The following HUNK variants were observed in gnomAD, a reference collection of about 807,000 sequenced individuals.
HUNK encodes hormonally up-regulated neu tumor-associated kinase.
Under a neutral mutation model 61.0 loss-of-function variants are expected in HUNK, and 21 were observed. The ratio of observed to expected loss-of-function variants is 0.34; its 90% CI spans 0.24 to 0.50. The LOEUF (loss-of-function observed/expected upper bound fraction) is 0.50, where lower values mean the gene tolerates loss of function less well. Ranked by LOEUF, HUNK falls within the 20% of genes least tolerant of loss-of-function variation. The probability of loss-of-function intolerance (pLI) is 0.98; values close to 1 mark genes in which losing one functional copy is unlikely to be tolerated. For missense variants in HUNK, 772 were observed against 945.7 expected (o/e 0.82, Z 2.41); for synonymous variants, 371 against 386.1 (o/e 0.96, Z 0.46).
chr21:31,917,750 ACACACACC>A (rs2052595063), intron 1 of HUNK, among the ~76,000 whole-genome samples: 1 of 132,484 alleles, frequency 7.5e-6, no homozygotes, highest in Non-Finnish European at 1.7e-5. Context: ...ACACACACAC[ACACACACC>A]CCTGGACTGA....
intron 1 of HUNK, among the ~76,000 whole-genome samples, chr21:31,898,232 T>A (rs1568919480): frequency 6.6e-6 from 1 of 152,150 alleles, no homozygotes; most frequent in Non-Finnish European, 1.5e-5. Flanking sequence ...GTTTTGTGAT[T>A]ACCATTAGGA....
intron 4 of HUNK, among the ~76,000 whole-genome samples, chr21:31,947,134 T>G (rs2052810381): frequency 6.9e-6 from 1 of 144,584 alleles, no homozygotes; most frequent in Admixed American, 6.9e-5. Flanking sequence ...CACAGCCCAT[T>G]CTCAAGCCAT....
intron 1 of HUNK, among the ~76,000 whole-genome samples, chr21:31,891,259 C>T (rs1168577441): frequency 6.6e-6 from 1 of 152,224 alleles, no homozygotes; most frequent in East Asian, 1.9e-4. Flanking sequence ...CCCCTGCAAT[C>T]CCAGCTACTT....
chr21:31,922,225 C>T (rs1394836877), intron 1 of HUNK, among the ~76,000 whole-genome samples: 1 of 151,746 alleles, frequency 6.6e-6, no homozygotes, highest in African/African-American at 2.4e-5. Flanking sequence ...CCATGTTGGC[C>T]AGACTGGTCT....
intron 2 of HUNK, among the ~76,000 whole-genome samples, chr21:31,928,829 G>T (rs372682212): frequency 2.0e-5 from 3 of 152,172 alleles, no homozygotes; most frequent in East Asian, 3.9e-4. Context: ...TTCTCATAAA[G>T]AATTTTCTCC....
At chr21:31,916,043 CT>C (rs34245381) in intron 1 of HUNK, among the ~76,000 whole-genome samples, 5,097 of 81,466 alleles carry the variant, frequency 0.063, 27 homozygotes, top group Middle Eastern at 0.12. Flanking sequence ...TAAGTGCTTT[CT>C]TTTTTTTTTT....
chr21:32,002,522 A>G lies in HUNK; in HGVS notation c.*3338A>G, dbSNP rs1187886629. 1 of 152,212 alleles carries G rather than the reference A, an allele frequency of 6.6e-6. No homozygotes were observed. The highest frequency in any genetic ancestry group is 6.5e-5 in the Admixed American group (1 of 15,280). 9.4% of individuals were successfully genotyped at this position (152,212 alleles called of 1,614,324 possible). ...CTACAAAAGTCTTTCTGACATACAC[A>G]CTGCAGGTGGCAGTTCAAGAAGAAT... On this transcript the variant is annotated 3_prime_UTR_variant, in exon 11 of 11. Coordinates refer to ENST00000270112, the MANE Select transcript of HUNK (RefSeq NM_014586.2).
intron 8 of HUNK, among the ~76,000 whole-genome samples, chr21:31,986,570 AG>A (rs1293218108): frequency 1.3e-5 from 2 of 152,024 alleles, no homozygotes; most frequent in African/African-American, 4.8e-5. Context: ...TTTGCCAGGC[AG>A]ACTCCGTGCA....
intron 2 of HUNK, among the ~76,000 whole-genome samples, chr21:31,928,178 G>A (rs1471235889): frequency 5.9e-5 from 9 of 152,148 alleles, no homozygotes; most frequent in African/African-American, 2.2e-4. Flanking sequence ...AGGTCACAGT[G>A]GAAAATAGAA....
At chr21:31,969,401 A>G (rs763626956) in intron 6 of HUNK, among the ~76,000 whole-genome samples, 6 of 152,138 alleles carry the variant, frequency 3.9e-5, no homozygotes, top group Admixed American at 1.3e-4. Context: ...GGGTGTCCCT[A>G]TGAACTTTCC....
intron 8 of HUNK, among the ~76,000 whole-genome samples, chr21:31,988,937 C>T (rs1386089654): frequency 6.6e-6 from 1 of 151,696 alleles, no homozygotes; most frequent in African/African-American, 2.4e-5. Context: ...CTCAGGTGAT[C>T]CTCCCACCTC....
chr21:31,940,926 T>C (rs1158285063), intron 3 of HUNK, among the ~76,000 whole-genome samples: 1 of 152,192 alleles, frequency 6.6e-6, no homozygotes. Flanking sequence ...TGCAAGTAAT[T>C]TCTTTTACCT....
intron 6 of HUNK, among the ~76,000 whole-genome samples, chr21:31,972,810 T>G (rs908983855): frequency 6.6e-6 from 1 of 152,164 alleles, no homozygotes; most frequent in African/African-American, 2.4e-5. Flanking sequence ...TGTTTTCATT[T>G]GTTTGTCTTT....
chr21:31,987,063 C>A (rs1015662184), intron 8 of HUNK, among the ~76,000 whole-genome samples: 1 of 152,094 alleles, frequency 6.6e-6, no homozygotes, highest in African/African-American at 2.4e-5. Context: ...TAAATATTTG[C>A]TCAATAAACA....
intron 2 of HUNK, among the ~76,000 whole-genome samples, chr21:31,939,599 G>T (rs1601388123): frequency 1.3e-5 from 2 of 151,746 alleles, no homozygotes; most frequent in South Asian, 4.2e-4. Context: ...GTAGACACAG[G>T]GTTTCTCCAT....
rs73193440 is a variant in HUNK at position 31,977,555 on chromosome 21, T to A, written c.1173+2838T>A. ...CAAGTAAGATGGAGGGGTGTTAGGT[T>A]TTAAAAAACTGTCCTATGTTTACTT... On this transcript the variant is annotated intron_variant, in intron 7 of 10. Coordinates refer to ENST00000270112, the MANE Select transcript of HUNK (RefSeq NM_014586.2). Among the ~76,000 whole-genome samples, 945 of 152,288 alleles carry A rather than the reference T, an allele frequency of 6.2e-3. 4 individuals carry two copies. Among genetic ancestry groups the A allele is most frequent in the Non-Finnish European group, 9.9e-3 (671 of 67,998 alleles).
At chr21:31,997,080 A>G (rs8133544) in intron 10 of HUNK, among the ~76,000 whole-genome samples, 112,340 of 152,196 alleles carry the variant, frequency 0.74, 41,658 homozygotes, top group Non-Finnish European at 0.78. Context: ...GCCCTCAGCC[A>G]CTCCCAAAAT....
intron 7 of HUNK, among the ~76,000 whole-genome samples, chr21:31,977,140 A>T (rs1369113551): frequency 6.6e-6 from 1 of 152,192 alleles, no homozygotes; most frequent in Non-Finnish European, 1.5e-5. Flanking sequence ...TCTATTTATT[A>T]TATATCTTAT....
chr21:31,992,069 A>T (rs946136973), intron 9 of HUNK, among the ~76,000 whole-genome samples: 1 of 152,240 alleles, frequency 6.6e-6, no homozygotes, highest in African/African-American at 2.4e-5. Context: ...TGGACTCCAG[A>T]CTTCCGGACT....
Sources: allele counts gnomAD v4.1 joint callset (sites outside exome capture counted in the v4.1 genomes callset), GRCh38; gene constraint gnomAD v4.1.1; transcripts MANE v1.5; gene names NCBI Gene and HGNC (gene_info 2026-07-23, HGNC 2026-07-21).